PLAC1: variants seen among roughly 807,000 people sequenced by gnomAD.
PLAC1 encodes the protein placenta associated 1, also known as placenta-specific protein 1.
For synonymous variants in PLAC1, 68 were observed against 62.1 expected (o/e 1.09, Z -0.44); for missense variants, 136 against 163.2 (o/e 0.83, Z 0.91).
chrX:134,629,794 T>G (rs898106747), intron 1 of PLAC1, among the ~76,000 whole-genome samples: 1 of 110,977 alleles, frequency 9.0e-6, no homozygotes, highest in Non-Finnish European at 1.9e-5. Flanking sequence ...TCTTCAGTCT[T>G]CAGGGAGAAC....
chrX:134,643,786 C>T (rs1353023677), intron 1 of PLAC1, among the ~76,000 whole-genome samples: 6 of 110,702 alleles, frequency 5.4e-5, no homozygotes, highest in Non-Finnish European at 1.1e-4. Flanking sequence ...AAACTTCATA[C>T]TTAAAAAGAG....
At chrX:134,687,871 A>G (rs1430794465) in intron 2 of PLAC1, among the ~76,000 whole-genome samples, 1 of 72,898 alleles carries the variant, frequency 1.4e-5, no homozygotes, top group South Asian at 9.8e-4. Flanking sequence ...TATATATAGC[A>G]CCTAGCACAA....
At chrX:134,753,570 T>C (rs944891430) in intron 1 of PLAC1, among the ~76,000 whole-genome samples, 2 of 110,014 alleles carry the variant, frequency 1.8e-5, no homozygotes, top group Non-Finnish European at 3.8e-5. Context: ...CTATAACTAA[T>C]CTTAGGCTGT....
chrX:134,680,525 A>G (rs969178579), intron 2 of PLAC1, among the ~76,000 whole-genome samples: 40 of 102,203 alleles, frequency 3.9e-4, no homozygotes, highest in Admixed American at 1.1e-3. Context: ...TTCCTAAACT[A>G]AACTGAACTA....
intron 2 of PLAC1, among the ~76,000 whole-genome samples, chrX:134,590,862 C>G (rs765745842): frequency 1.9e-4 from 20 of 103,097 alleles, no homozygotes; most frequent in Admixed American, 1.8e-3. Flanking sequence ...CCTCCCCCCC[C>G]ACCCCACCCC....
chrX:134,625,816 A>C (rs775296096), intron 1 of PLAC1, among the ~76,000 whole-genome samples: 1 of 110,896 alleles, frequency 9.0e-6, no homozygotes, highest in East Asian at 2.8e-4. Flanking sequence ...CCCTGCAGAA[A>C]GAAAGTGATG....
At chrX:134,624,103 C>G (rs144051429) in intron 1 of PLAC1, among the ~76,000 whole-genome samples, 1,208 of 111,338 alleles carry the variant, frequency 0.011, 17 homozygotes, top group African/African-American at 0.036. Context: ...CAGGAGAGCT[C>G]TTAAAAGGTT....
chrX:134,590,204 T>A (rs766650845), intron 2 of PLAC1, among the ~76,000 whole-genome samples: 19 of 109,639 alleles, frequency 1.7e-4, no homozygotes, highest in Middle Eastern at 4.7e-3. Context: ...CAAAAATAAA[T>A]AAATAAATAA....
intron 2 of PLAC1, among the ~76,000 whole-genome samples, chrX:134,705,416 C>CAA (rs756637363): frequency 5.5e-4 from 16 of 28,917 alleles, no homozygotes; most frequent in Admixed American, 8.5e-4. Flanking sequence ...GACTCCGTCT[C>CAA]AAAAAAAAAA....
At chrX:134,729,627 A>G (rs2078682963) in intron 2 of PLAC1, among the ~76,000 whole-genome samples, 1 of 110,758 alleles carries the variant, frequency 9.0e-6, no homozygotes, top group Non-Finnish European at 1.9e-5. Flanking sequence ...CCTTCTCTCA[A>G]TCTCTCTTTA....
intron 1 of PLAC1, among the ~76,000 whole-genome samples, chrX:134,742,701 G>A (rs962243363): frequency 1.8e-5 from 2 of 111,408 alleles, no homozygotes; most frequent in East Asian, 5.6e-4. Context: ...CAATGGTCTC[G>A]GTGCTGACTT....
At chrX:134,603,329 T>C (rs1333241712) in intron 1 of PLAC1, among the ~76,000 whole-genome samples, 1 of 38,639 alleles carries the variant, frequency 2.6e-5, no homozygotes, top group African/African-American at 1.0e-4. Context: ...TTTTTTTTTT[T>C]TTTTTTTTTT....
chrX:134,591,285 A>G (rs937970064), intron 2 of PLAC1, among the ~76,000 whole-genome samples: 1 of 112,302 alleles, frequency 8.9e-6, no homozygotes, highest in Non-Finnish European at 1.9e-5. Flanking sequence ...GGTATGGGAT[A>G]ATAATATTTA....
At chrX:134,744,058 T>G (rs1187142418) in intron 1 of PLAC1, among the ~76,000 whole-genome samples, 1 of 111,109 alleles carries the variant, frequency 9.0e-6, no homozygotes, top group Non-Finnish European at 1.9e-5. Context: ...CCGAGGCGGG[T>G]GGATCACCTA....
intron 1 of PLAC1, among the ~76,000 whole-genome samples, chrX:134,616,844 C>T (rs760796270): frequency 3.9e-4 from 42 of 108,128 alleles, no homozygotes; most frequent in African/African-American, 1.4e-3. Flanking sequence ...GGTGCGATCT[C>T]GACTCACTGC....
chrX:134,651,739 C>A (rs991321807), intron 1 of PLAC1, among the ~76,000 whole-genome samples: 1 of 100,022 alleles, frequency 1.0e-5, no homozygotes, highest in Non-Finnish European at 2.0e-5. Context: ...TCCCCCCTTT[C>A]TTCCTCTGTC....
intron 1 of PLAC1, among the ~76,000 whole-genome samples, chrX:134,644,606 G>A (rs2078323414): frequency 9.2e-6 from 1 of 108,359 alleles, no homozygotes; most frequent in Non-Finnish European, 1.9e-5. Context: ...CCCTGCCCCC[G>A]AGACAGGCCC....
intron 2 of PLAC1, among the ~76,000 whole-genome samples, chrX:134,729,192 T>C (rs1384556318): frequency 1.8e-5 from 2 of 112,051 alleles, no homozygotes; most frequent in Non-Finnish European, 3.8e-5. Context: ...GAATTGAGTT[T>C]CTCTAAAGTG....
Position 134,703,392 on chromosome X carries a change from A to G in PLAC1, n.174+30043T>C, listed in dbSNP as rs774213344. On this transcript the variant is annotated intron_variant and non_coding_transcript_variant, in intron 2 of 2. Transcript: ENST00000466797. The stretch of plus-strand genomic sequence containing the variant: ...ATAGAACTCAAAAAACAATGGAATA[A>G]TATTTACAAAGTTGAGGGAAAATAC... Among the ~76,000 whole-genome samples the G allele has an allele frequency of 4.5e-5, 5 of 112,087 alleles. No homozygotes were observed. In the East Asian group the frequency reaches 1.4e-3, roughly 31 times the overall value.
Sources: gnomAD v4.1 joint callset for allele counts (sites outside exome capture counted in the v4.1 genomes callset) on GRCh38, gnomAD v4.1.1 for gene constraint, MANE v1.5 for transcripts, NCBI Gene and HGNC (gene_info 2026-07-23, HGNC 2026-07-21) for gene names.